TTC16: variants seen among roughly 807,000 people sequenced by gnomAD.
TTC16 encodes the protein tetratricopeptide repeat domain 16, also known as tetratricopeptide repeat protein 16.
Under a neutral mutation model 80.4 loss-of-function variants are expected in TTC16, and 66 were observed. The observed-to-expected ratio is 0.82, with a 90% CI of 0.67 to 1.01. The LOEUF is 1.01. TTC16 is among the 50% of genes least tolerant of loss of function. The pLI is 0.00. For missense variants in TTC16, 1,070 were observed against 1,103.2 expected (o/e 0.97, Z 0.43); for synonymous variants, 438 against 451.3 (o/e 0.97, Z 0.37).
intron 7 of TTC16, 139 bp from the exon 8 acceptor site, chr9:127,723,981 G>A: frequency 8.2e-7 from 1 of 1,221,514 alleles, no homozygotes; most frequent in African/African-American, 1.5e-5. Context: ...GACAAACCTA[G>A]CAAATGAGGT....
chr9:127,729,669 G>A lies in TTC16; in HGVS notation c.1852+1G>A, dbSNP rs1036749359. 1.2e-6 allele frequency: 2 copies of A among 1,613,310 alleles called. No individual in the cohort carries two copies. The highest frequency in any genetic ancestry group is 1.7e-6 in the Non-Finnish European group (2 of 1,179,910). ...ACCTCTTCAGCCTCCAGCATGAGCT[G>A]TAAGTCCCTGGTGCTTCCGCCAGGC... On this transcript the variant is annotated splice_donor_variant, in intron 13 of 13. Coordinates refer to ENST00000373289, the MANE Select transcript of TTC16 (RefSeq NM_144965.3). LOFTEE classifies it high-confidence loss of function.
Position 127,720,332 on chromosome 9 carries a change from G to C in TTC16, c.594G>C (p.Lys198Asn), listed in dbSNP as rs559317851. 1.5e-5 allele frequency: 25 copies of C among 1,613,488 alleles called. No homozygotes were observed. The Admixed American group carries it at 2.5e-4, about 16-fold the overall frequency. Residue 198 changes from lysine to asparagine, a missense_variant, in exon 6 of 14, where the codon AAG becomes AAC. Physicochemically the swap from Lys to Asn is moderately conservative, Grantham distance 94. Coordinates refer to ENST00000373289, the MANE Select transcript of TTC16 (RefSeq NM_144965.3). ...TCACGCTCATCACCAACGAGCTGAA[G>C]CAGGACACCACCAACGCCGATGTCT... is the stretch of plus-strand genomic sequence containing the variant. ...ACLTLITNEL[K>N]QDTTNADVYI...
chr9:127,724,116 A>G lies in TTC16; in HGVS notation c.873-4A>G. The G allele has an allele frequency of 6.3e-7, 1 of 1,592,456 alleles. No homozygotes were observed. ...CCTGCCGTCTCCCACGCCCCCCCCG[A>G]CAGGGGCACCATGTACCGACGGCTC... On this transcript the variant is annotated splice_region_variant and splice_polypyrimidine_tract_variant and intron_variant, in intron 7 of 13. Coordinates refer to ENST00000373289, the MANE Select transcript of TTC16 (RefSeq NM_144965.3).
rs778597218 is a variant in TTC16 at position 127,724,327 on chromosome 9, C to T, written c.1080C>T (p.Asp360=). 6.8e-6 allele frequency: 11 copies of T among 1,612,668 alleles called. No homozygotes were observed. Among genetic ancestry groups the T allele is most frequent in the South Asian group, 2.2e-5 (2 of 91,050 alleles). Residue 360 remains aspartate, a synonymous_variant, in exon 8 of 14, where the codon GAC becomes GAT. Coordinates refer to ENST00000373289, the MANE Select transcript of TTC16 (RefSeq NM_144965.3). ...GVLLLNKALR[D]EQQEKGLYIN... ...TGCTGCTGAACAAGGCCCTCCGGGA[C>T]GAGCAGCAGGAGAAAGGACTCTACA...
intron 13 of TTC16, 76 bp downstream of exon 13, chr9:127,729,744 G>C (rs1396884235): frequency 2.8e-6 from 4 of 1,413,790 alleles, no homozygotes; most frequent in Non-Finnish European, 4.0e-6. Flanking sequence ...GTCGAAGACC[G>C]CTGGCCTAGG....
chr9:127,731,559 C>G lies in TTC16; in HGVS notation c.*154C>G, dbSNP rs1844418338. The G allele has an allele frequency of 7.1e-7, 1 of 1,414,934 alleles. No individual in the cohort carries two copies. The highest frequency in any genetic ancestry group is 9.2e-7 in the Non-Finnish European group (1 of 1,082,992). 87.6% of individuals were successfully genotyped at this position (1,414,934 alleles called of 1,614,324 possible). A position where few individuals can be genotyped will look rare whatever the true frequency, so the allele number is the denominator to read the frequency against. ...CAGCTGAGTTTATTATACTTGTTTT[C>G]TTTTACAAAATTAAAAACATCTAAA... is the stretch of plus-strand genomic sequence containing the variant. On this transcript the variant is annotated 3_prime_UTR_variant, in exon 14 of 14. Coordinates refer to ENST00000373289, the MANE Select transcript of TTC16 (RefSeq NM_144965.3).
intron 13 of TTC16, chr9:127,729,931 C>A: frequency 2.1e-6 from 1 of 479,250 alleles, no homozygotes; most frequent in Non-Finnish European, 3.8e-6. Flanking sequence ...AGCCCACAAA[C>A]CTTGTGCATG....
Position 127,731,462 on chromosome 9 carries a change from C to T in TTC16, c.*57C>T. On this transcript the variant is annotated 3_prime_UTR_variant, in exon 14 of 14. Transcript: ENST00000373289. ...GGAGGGGACGAGTTCTACCCACCTC[C>T]CCACACTGGCACTCAGCCAGCTGCC... The T allele has an allele frequency of 2.6e-6, 4 of 1,544,126 alleles. No individual in the cohort carries two copies. Among genetic ancestry groups the T allele is most frequent in the Non-Finnish European group, 2.6e-6 (3 of 1,145,724 alleles).
At chr9:127,717,191 A>G (rs765724954) in intron 2 of TTC16, 143 bp from the exon 3 acceptor site, 2 of 1,179,506 alleles carry the variant, frequency 1.7e-6, no homozygotes, top group South Asian at 2.6e-5. Context: ...CAGGAACACC[A>G]GCCTGCCCTC....
chr9:127,728,919 C>G (rs1450061201), intron 12 of TTC16: 2 of 152,378 alleles, frequency 1.3e-5, no homozygotes, highest in African/African-American at 4.8e-5. Context: ...CCCCCTCCCC[C>G]AGGGAGACGT....
Position 127,717,652 on chromosome 9 carries a change from T to C in TTC16, c.306T>C (p.Ala102=), listed in dbSNP as rs1411358159. The change falls in exon 4 of 14, where the codon GCT becomes GCC. Residue 102 remains alanine, a synonymous_variant. Coordinates refer to ENST00000373289, the MANE Select transcript of TTC16 (RefSeq NM_144965.3). The part of the protein sequence containing the change: ...PQLVDFYALR[A]EAYLQLCDFS... The stretch of plus-strand genomic sequence containing the variant: ...AGGTGGACTTCTATGCCTTACGGGC[T>C]GAGGCCTACCTCCAGCTCTGTGACT... The C allele has an allele frequency of 6.2e-7, 1 of 1,613,952 alleles. No homozygotes were observed. Among genetic ancestry groups the C allele is most frequent in the African/African-American group, 1.3e-5 (1 of 74,952 alleles).
At chr9:127,719,719 C>A (rs1474143370) in intron 4 of TTC16, among the ~76,000 whole-genome samples, 1 of 152,204 alleles carries the variant, frequency 6.6e-6, no homozygotes, top group African/African-American at 2.4e-5. Flanking sequence ...CCTCAAACTC[C>A]TGGCCTCAAG....
chr9:127,717,767 C>G lies in TTC16; in HGVS notation c.421C>G (p.Leu141Val). ...GGAGCGCCTCACCTTTGTGCTCTAC[C>G]TACAGGTGCCTGGGGCCTCCCGGGC... The part of the protein sequence containing the change: ...HLERLTFVLY[L>V]QGQCLFEQCA... Residue 141 changes from leucine (L) to valine (V), a missense_variant, in exon 4 of 14, where the codon CTA becomes GTA. Coordinates refer to ENST00000373289, the MANE Select transcript of TTC16 (RefSeq NM_144965.3). 1 of 1,612,520 alleles carries G rather than the reference C, an allele frequency of 6.2e-7. No homozygotes were observed. The highest frequency in any genetic ancestry group is 8.5e-7 in the Non-Finnish European group (1 of 1,179,514).
chr9:127,720,533 G>A, intron 6 of TTC16, 138 bp downstream of exon 6: 1 of 1,147,210 alleles, frequency 8.7e-7, no homozygotes, highest in Admixed American at 1.9e-5. Flanking sequence ...GTCCTCCCTG[G>A]GAAGAGGCCC....
intron 7 of TTC16, 127 bp from the exon 8 acceptor site, chr9:127,723,993 G>T (rs776650963): frequency 6.9e-6 from 9 of 1,297,758 alleles, no homozygotes; most frequent in African/African-American, 1.5e-5. Flanking sequence ...AAATGAGGTG[G>T]GATCCCCACT....
chr9:127,716,246 C>T lies in TTC16; in HGVS notation c.18+83C>T, dbSNP rs147458348. On this transcript the variant is annotated intron_variant, in intron 1 of 13. Coordinates refer to ENST00000373289, the MANE Select transcript of TTC16 (RefSeq NM_144965.3). ...CTGGGTTCGCAGGAAAGGGTGAAGG[C>T]CGGGAGAGGCAGGGGCAGCAGTCCG... 4,123 of 1,594,064 alleles carry T rather than the reference C, an allele frequency of 2.6e-3. 109 individuals carry two copies. In the East Asian group the frequency reaches 0.06, roughly 23 times the overall value.
intron 4 of TTC16, 137 bp from the exon 5 acceptor site, chr9:127,719,940 TC>T: frequency 1.4e-6 from 1 of 704,156 alleles, no homozygotes; most frequent in South Asian, 1.7e-5. Flanking sequence ...CTCTGCCTCT[TC>T]AAGTCTCTGC....
Position 127,727,122 on chromosome 9 carries a change from G to A in TTC16, c.1568+10G>A, listed in dbSNP as rs753443430. 5.1e-6 allele frequency: 8 copies of A among 1,584,084 alleles called. No individual in the cohort carries two copies. Among genetic ancestry groups the A allele is most frequent in the African/African-American group, 4.0e-5 (3 of 74,572 alleles). On this transcript the variant is annotated intron_variant, in intron 11 of 13. Coordinates refer to ENST00000373289, the MANE Select transcript of TTC16 (RefSeq NM_144965.3). ...CACAAGGCATTGTGGGGTAAGCCCT[G>A]GAGCAAGGGGCACAGGCCAGGGCTG... is the stretch of plus-strand genomic sequence containing the variant.
intron 9 of TTC16, among the ~76,000 whole-genome samples, chr9:127,725,417 A>G (rs1843859801): frequency 6.6e-6 from 1 of 150,710 alleles, no homozygotes; most frequent in Non-Finnish European, 1.5e-5. Flanking sequence ...ACAAAAAATT[A>G]GCCGGGCGTC....
Sources: gnomAD v4.1 joint callset for allele counts (sites outside exome capture counted in the v4.1 genomes callset) on GRCh38, gnomAD v4.1.1 for gene constraint, MANE v1.5 for transcripts, NCBI Gene and HGNC (gene_info 2026-07-23, HGNC 2026-07-21) for gene names.